NEDD4L: variants seen among roughly 807,000 people sequenced by gnomAD.
NEDD4L encodes the protein E3 ubiquitin-protein ligase NEDD4-like.
A neutral mutation model predicts 148.9 loss-of-function variants in NEDD4L; 54 were observed. That is an observed-to-expected ratio of 0.36 (90% CI 0.29 to 0.45). NEDD4L has a LOEUF of 0.45. Among genes scored for constraint, NEDD4L ranks in the 20% least tolerant of loss-of-function variants. The pLI, the probability that NEDD4L is intolerant of heterozygous loss-of-function variation, is 1.00. For missense variants in NEDD4L, 856 were observed against 1,233.8 expected, an observed-to-expected ratio of 0.69 and a Z score of 4.59; for synonymous variants, 433 against 440.7, an observed-to-expected ratio of 0.98 and a Z score of 0.22.
chr18:58,368,368 C>T (rs2046383215), intron 22 of NEDD4L, among the ~76,000 whole-genome samples: 1 of 152,054 alleles, frequency 6.6e-6, no homozygotes, highest in African/African-American at 2.4e-5. Flanking sequence ...GCATATAGAT[C>T]ATGGAAGAAT....
At chr18:58,067,472 G>A (rs1183193311) in intron 1 of NEDD4L, among the ~76,000 whole-genome samples, 1 of 152,172 alleles carries the variant, frequency 6.6e-6, no homozygotes, top group Admixed American at 6.5e-5. Context: ...TCTGCTTAAA[G>A]CAATGGTTGG....
At chr18:58,132,881 A>G (rs1355155872) in intron 1 of NEDD4L, among the ~76,000 whole-genome samples, 1 of 152,232 alleles carries the variant, frequency 6.6e-6, no homozygotes, top group Non-Finnish European at 1.5e-5. Context: ...CATGTAGGGT[A>G]ACTAGAGATT....
chr18:58,255,904 C>T, intron 5 of NEDD4L: 2 of 1,232,004 alleles, frequency 1.6e-6, no homozygotes. Flanking sequence ...CCACGTGCAG[C>T]TCCTCCGTGC....
intron 11 of NEDD4L, among the ~76,000 whole-genome samples, chr18:58,332,006 A>C (rs1351000343): frequency 6.6e-6 from 1 of 152,244 alleles, no homozygotes; most frequent in East Asian, 1.9e-4. Context: ...GGATAAAAGA[A>C]ATTGCATATA....
At chr18:58,082,526 C>CT (rs887891015) in intron 1 of NEDD4L, among the ~76,000 whole-genome samples, 3 of 151,270 alleles carry the variant, frequency 2.0e-5, no homozygotes, top group African/African-American at 7.3e-5. Flanking sequence ...AATCCCAGCA[C>CT]TTTGGGGGGC....
intron 9 of NEDD4L, among the ~76,000 whole-genome samples, chr18:58,328,180 G>A (rs1469547005): frequency 3.9e-5 from 6 of 152,200 alleles, no homozygotes; most frequent in East Asian, 1.9e-4. Flanking sequence ...GGCCAGGTAC[G>A]TCTTGAGCTC....
At chr18:58,177,187 C>A (rs910095266) in intron 2 of NEDD4L, among the ~76,000 whole-genome samples, 2 of 152,006 alleles carry the variant, frequency 1.3e-5, no homozygotes, top group Non-Finnish European at 2.9e-5. Context: ...TGCCCCCACG[C>A]CCGTGCCCTG....
chr18:58,220,625 G>C (rs573492138), intron 2 of NEDD4L, among the ~76,000 whole-genome samples: 1 of 152,306 alleles, frequency 6.6e-6, no homozygotes, highest in African/African-American at 2.4e-5. Flanking sequence ...GAGATGCCAG[G>C]AACACTTCGC....
In NEDD4L at chr18:58,125,835, C is replaced by T. The variant is rs111282084; in HGVS notation, c.49-39953C>T. Among the ~76,000 whole-genome samples, 1,031 of 152,284 alleles carry T rather than the reference C, an allele frequency of 6.8e-3. 11 individuals are homozygous for T. The highest frequency in any genetic ancestry group is 0.023 in the African/African-American group (957 of 41,548). ...TATTTAACAGTCTTTTCTTTTGATCCGGGGTCTTGGAAGTTTGACCTACCA... is the reference window on the plus strand; with the variant it reads ...TATTTAACAGTCTTTTCTTTTGATCTGGGGTCTTGGAAGTTTGACCTACCA... On this transcript the variant is annotated intron_variant, in intron 1 of 30. Transcript: ENST00000400345.
intron 24 of NEDD4L, among the ~76,000 whole-genome samples, chr18:58,378,293 G>C (rs1056022065): frequency 6.6e-6 from 1 of 152,232 alleles, no homozygotes; most frequent in African/African-American, 2.4e-5. Context: ...TTCATGGAGA[G>C]AGGTGGGCCA....
intron 1 of NEDD4L, among the ~76,000 whole-genome samples, chr18:58,049,369 A>T (rs1231194543): frequency 2.0e-5 from 3 of 152,190 alleles, no homozygotes; most frequent in Admixed American, 1.3e-4. Flanking sequence ...TTTTCAAGAG[A>T]TTACTTGGGA....
intron 1 of NEDD4L, among the ~76,000 whole-genome samples, chr18:58,159,121 G>A (rs78067936): frequency 6.6e-6 from 1 of 152,076 alleles, no homozygotes; most frequent in Non-Finnish European, 1.5e-5. Flanking sequence ...TAGCGGGAAG[G>A]CGTTGGTGTG....
At chr18:58,110,754 T>G (rs1279097267) in intron 1 of NEDD4L, among the ~76,000 whole-genome samples, 2 of 152,260 alleles carry the variant, frequency 1.3e-5, no homozygotes, top group Non-Finnish European at 2.9e-5. Flanking sequence ...AGACCAAACC[T>G]TGCTCATTTT....
At chr18:58,068,849 G>A (rs960067388) in intron 1 of NEDD4L, among the ~76,000 whole-genome samples, 3 of 152,284 alleles carry the variant, frequency 2.0e-5, no homozygotes, top group African/African-American at 4.8e-5. Context: ...GGAAAGAAGC[G>A]TTCCTGGCCA....
intron 1 of NEDD4L, among the ~76,000 whole-genome samples, chr18:58,071,910 T>G (rs2082890869): frequency 6.6e-6 from 1 of 152,332 alleles, no homozygotes; most frequent in East Asian, 1.9e-4. Context: ...CCCTTATGAT[T>G]CAGTTATCTC....
At chr18:58,124,048 G>A (rs1399121071) in intron 1 of NEDD4L, among the ~76,000 whole-genome samples, 1 of 152,156 alleles carries the variant, frequency 6.6e-6, no homozygotes, top group East Asian at 1.9e-4. Flanking sequence ...CACTGCCCCT[G>A]TTGTGCCTCA....
At chr18:58,221,324 T>C (rs2043742310) in intron 2 of NEDD4L, among the ~76,000 whole-genome samples, 1 of 152,194 alleles carries the variant, frequency 6.6e-6, no homozygotes, top group African/African-American at 2.4e-5. Flanking sequence ...ACCTCTGTTA[T>C]TGCCCATCCT....
intron 1 of NEDD4L, among the ~76,000 whole-genome samples, chr18:58,110,016 A>G (rs1003905252): frequency 1.3e-5 from 2 of 152,168 alleles, no homozygotes; most frequent in Admixed American, 6.5e-5. Flanking sequence ...AGATTTTGTG[A>G]TGATTCTGCT....
chr18:58,174,545 A>G (rs2037895377), intron 2 of NEDD4L, among the ~76,000 whole-genome samples: 1 of 152,054 alleles, frequency 6.6e-6, no homozygotes, highest in Non-Finnish European at 1.5e-5. Flanking sequence ...TTCGCTTACC[A>G]CATTCCATCG....
Sources: gnomAD v4.1 joint callset for allele counts (sites outside exome capture counted in the v4.1 genomes callset) on GRCh38, gnomAD v4.1.1 for gene constraint, MANE v1.5 for transcripts, NCBI Gene and HGNC (gene_info 2026-07-23, HGNC 2026-07-21) for gene names.